ATP1B1: variants seen among roughly 807,000 people sequenced by gnomAD.
ATP1B1 encodes the protein sodium/potassium-transporting ATPase subunit beta-1.
ATP1B1 carries 3 observed loss-of-function variants against 39.6 expected under a neutral mutation model. The observed-to-expected ratio is 0.08, with a 90% CI of 0.03 to 0.20. The LOEUF (loss-of-function observed/expected upper bound fraction) is 0.20, where lower values mean the gene tolerates loss of function less well. Ranked by LOEUF, ATP1B1 falls within the 10% of genes least tolerant of loss-of-function variation. ATP1B1 has a pLI of 1.00. For synonymous variants in ATP1B1, 139 were observed against 135.0 expected (o/e 1.03, Z -0.20); for missense variants, 216 against 371.1 (o/e 0.58, Z 3.43).
rs762008819 is a variant in ATP1B1, at chr1:169,106,804, G to A, written c.-26G>A. The A allele has an allele frequency of 6.4e-7, 1 of 1,559,430 alleles. No homozygotes were observed. Among genetic ancestry groups the A allele is most frequent in the Non-Finnish European group, 8.7e-7 (1 of 1,155,112 alleles). On this transcript the variant is annotated 5_prime_UTR_variant, in exon 1 of 6. Coordinates refer to ENST00000367815, the MANE Select transcript of ATP1B1 (RefSeq NM_001677.4). Reference sequence around the variant, plus strand: ...GCCGCAGCCACCCACCCTCCGGACCGCGGCAGCTGCTGACCCGCCATCGCC... The same window carrying A: ...GCCGCAGCCACCCACCCTCCGGACCACGGCAGCTGCTGACCCGCCATCGCC...
At chr1:169,111,223 G>T in intron 1 of ATP1B1, 147 bp from the exon 2 acceptor site, 2 of 1,060,462 alleles carry the variant, frequency 1.9e-6, no homozygotes, top group Non-Finnish European at 2.7e-6. Context: ...TGTGTCAGTG[G>T]GGTGAGGTGC....
chr1:169,118,669 T>G (rs1276061487), intron 2 of ATP1B1, among the ~76,000 whole-genome samples: 1 of 152,210 alleles, frequency 6.6e-6, no homozygotes, highest in Admixed American at 6.5e-5. Flanking sequence ...ATGTGTGTGT[T>G]TATGTGTACA....
chr1:169,123,638 T>TG (rs1376784173), intron 2 of ATP1B1, among the ~76,000 whole-genome samples: 2 of 136,888 alleles, frequency 1.5e-5, no homozygotes, highest in Admixed American at 7.0e-5. Flanking sequence ...TATATATAGG[T>TG]TTTTTTTTTT....
intron 2 of ATP1B1, among the ~76,000 whole-genome samples, chr1:169,116,223 C>G (rs186513610): frequency 1.1e-4 from 17 of 152,356 alleles, no homozygotes; most frequent in Non-Finnish European, 7.3e-5. Flanking sequence ...GCCCTTCCCC[C>G]ACCTCAGGCT....
intron 2 of ATP1B1, among the ~76,000 whole-genome samples, chr1:169,122,441 G>T (rs983145600): frequency 6.6e-6 from 1 of 152,132 alleles, no homozygotes; most frequent in Non-Finnish European, 1.5e-5. Context: ...GGAAGCTTCT[G>T]CTCACCTTTA....
chr1:169,112,628 G>T (rs992548959), intron 2 of ATP1B1, among the ~76,000 whole-genome samples: 1 of 152,224 alleles, frequency 6.6e-6, no homozygotes. Context: ...AATGTGGGAA[G>T]GATTCACAGA....
chr1:169,122,948 CCA>C (rs1337408364), intron 2 of ATP1B1, among the ~76,000 whole-genome samples: 1 of 152,036 alleles, frequency 6.6e-6, no homozygotes, highest in Non-Finnish European at 1.5e-5. Flanking sequence ...GTGCCTTGCT[CCA>C]GTGATTACTT....
intron 1 of ATP1B1, among the ~76,000 whole-genome samples, chr1:169,110,038 C>G (rs540974905): frequency 6.6e-6 from 1 of 152,136 alleles, no homozygotes; most frequent in Non-Finnish European, 1.5e-5. Flanking sequence ...TTACTTCTGT[C>G]TTTGCTTTTT....
At chr1:169,125,279 A>G (rs1658063089) in intron 3 of ATP1B1, among the ~76,000 whole-genome samples, 1 of 152,126 alleles carries the variant, frequency 6.6e-6, no homozygotes. Context: ...ACTCCTAGGT[A>G]CTATTTTTTA....
chr1:169,108,695 C>T (rs1270913414), intron 1 of ATP1B1, among the ~76,000 whole-genome samples: 1 of 152,176 alleles, frequency 6.6e-6, no homozygotes, highest in Non-Finnish European at 1.5e-5. Context: ...GCAGCACCTC[C>T]ATGAGAGAGA....
At chr1:169,110,394 C>T (rs569208110) in intron 1 of ATP1B1, among the ~76,000 whole-genome samples, 7 of 152,242 alleles carry the variant, frequency 4.6e-5, no homozygotes, top group East Asian at 1.9e-4. Context: ...GCTTCTGACT[C>T]GATAACCTTA....
intron 2 of ATP1B1, among the ~76,000 whole-genome samples, chr1:169,115,361 T>C (rs1657820916): frequency 6.6e-6 from 1 of 150,976 alleles, no homozygotes; most frequent in African/African-American, 2.4e-5. Context: ...CTTTTTTTTT[T>C]TTTTCAAGAG....
chr1:169,114,088 A>G (rs1657784535), intron 2 of ATP1B1, among the ~76,000 whole-genome samples: 1 of 136,138 alleles, frequency 7.3e-6, no homozygotes, highest in South Asian at 2.4e-4. Context: ...CGGCTGCCAC[A>G]AAGTGCAGCT....
chr1:169,113,524 C>CT (rs1236378893), intron 2 of ATP1B1, among the ~76,000 whole-genome samples: 1 of 152,058 alleles, frequency 6.6e-6, no homozygotes, highest in Admixed American at 6.5e-5. Context: ...TCTTTGTGCC[C>CT]TTTGCAGAAA....
At chr1:169,125,855 G>T (rs1028198655) in intron 3 of ATP1B1, among the ~76,000 whole-genome samples, 6 of 152,008 alleles carry the variant, frequency 3.9e-5, no homozygotes, top group African/African-American at 1.4e-4. Flanking sequence ...TGTGCCCGTG[G>T]TCCCAGCTAC....
At position 169,106,818 on chromosome 1, in the gene ATP1B1, C is replaced by T. The variant is rs1329842336; in HGVS notation, c.-12C>T. On this transcript the variant is annotated 5_prime_UTR_variant, in exon 1 of 6. Transcript: ENST00000367815. ...CCCTCCGGACCGCGGCAGCTGCTGACCCGCCATCGCCATGGCCCGCGGGAA... is the reference window on the plus strand; with the variant it reads ...CCCTCCGGACCGCGGCAGCTGCTGATCCGCCATCGCCATGGCCCGCGGGAA... 2.5e-6 allele frequency: 4 copies of T among 1,571,340 alleles called. No homozygotes were observed. The highest frequency in any genetic ancestry group is 2.2e-4 in the Middle Eastern group (1 of 4,536).
chr1:169,110,430 T>G (rs1657702328), intron 1 of ATP1B1, among the ~76,000 whole-genome samples: 1 of 152,192 alleles, frequency 6.6e-6, no homozygotes, highest in African/African-American at 2.4e-5. Flanking sequence ...CTGTTTTGCA[T>G]TCACATTGAG....
intron 2 of ATP1B1, among the ~76,000 whole-genome samples, chr1:169,119,180 A>T (rs1213438766): frequency 6.6e-6 from 1 of 152,220 alleles, no homozygotes; most frequent in Non-Finnish European, 1.5e-5. Flanking sequence ...GGAAGCCAGA[A>T]GTTTTTTCTA....
chr1:169,107,770 T>C (rs544092893), intron 1 of ATP1B1: 5 of 150,108 alleles, frequency 3.3e-5, no homozygotes, highest in African/African-American at 1.2e-4. Context: ...TTTTTTTTTT[T>C]AAAAAAAAGG....
Sources: allele counts gnomAD v4.1 joint callset (sites outside exome capture counted in the v4.1 genomes callset), GRCh38; gene constraint gnomAD v4.1.1; transcripts MANE v1.5; gene names NCBI Gene and HGNC (gene_info 2026-07-23, HGNC 2026-07-21).